SRP72: variants seen among roughly 807,000 people sequenced by gnomAD.
The protein encoded by SRP72 is signal recognition particle subunit SRP72.
A neutral mutation model predicts 96.3 loss-of-function variants in SRP72; 49 were observed. The ratio of observed to expected loss-of-function variants is 0.51; its 90% CI spans 0.40 to 0.65. The LOEUF is 0.65. Ranked by LOEUF, SRP72 falls within the 30% of genes least tolerant of loss-of-function variation. The probability of loss-of-function intolerance (pLI) is 0.00; values close to 1 mark genes in which losing one functional copy is unlikely to be tolerated. For missense variants in SRP72, 736 were observed against 793.3 expected, an observed-to-expected ratio of 0.93 and a Z score of 0.87; for synonymous variants, 267 against 275.2, an observed-to-expected ratio of 0.97 and a Z score of 0.30.
At chr4:56,472,105 G>C (rs983815966) in intron 3 of SRP72, among the ~76,000 whole-genome samples, 3 of 152,122 alleles carry the variant, frequency 2.0e-5, no homozygotes, top group Non-Finnish European at 4.4e-5. Flanking sequence ...TTTGACTTTT[G>C]AGTTAGAAAG....
At chr4:56,473,746 CAA>C (rs1220513432) in intron 3 of SRP72, among the ~76,000 whole-genome samples, 1 of 150,578 alleles carries the variant, frequency 6.6e-6, no homozygotes, top group Non-Finnish European at 1.5e-5. Context: ...GTCTAGGCAA[CAA>C]GAGCGAAACT....
chr4:56,482,463 A>G (rs894711141), intron 8 of SRP72, among the ~76,000 whole-genome samples: 12 of 151,630 alleles, frequency 7.9e-5, no homozygotes, highest in Non-Finnish European at 1.6e-4. Context: ...AAAAAAAGGT[A>G]TGTACTTGTT....
Position 56,469,663 on chromosome 4 carries a change from C to T in SRP72, c.120C>T (p.Ile40=). 6.2e-7 allele frequency: 1 copy of T among 1,603,632 alleles called. No homozygotes were observed. Among genetic ancestry groups the T allele is most frequent in the South Asian group, 1.1e-5 (1 of 90,004 alleles). The change falls in exon 2 of 19, where the codon ATC becomes ATT. Residue 40 remains isoleucine (I), a synonymous_variant. Transcript: ENST00000642900. The part of the protein sequence containing the change: ...ALKTVNKILQ[I]NKDDVTALHC... ...AAAATTGTTCTCTAGTACTACAGATCAACAAAGATGACGTAACTGCCCTGC... is the reference window on the plus strand; with the variant it reads ...AAAATTGTTCTCTAGTACTACAGATTAACAAAGATGACGTAACTGCCCTGC...
intron 16 of SRP72, among the ~76,000 whole-genome samples, chr4:56,493,949 G>T (rs781680610): frequency 1.3e-5 from 2 of 152,150 alleles, no homozygotes; most frequent in Non-Finnish European, 2.9e-5. Flanking sequence ...GATTGTACAG[G>T]GCATAGAGGA....
rs780480878 is a variant in SRP72, at chr4:56,471,732, C to T, written c.243C>T (p.Ser81=). The T allele has an allele frequency of 6.2e-7, 1 of 1,612,512 alleles. No individual in the cohort carries two copies. Among genetic ancestry groups the T allele is most frequent in the Non-Finnish European group, 8.5e-7 (1 of 1,179,422 alleles). The stretch of plus-strand genomic sequence containing the variant: ...TTTCCTTCTTCAGTAACTCTCTCTC[C>T]TTTGAAAAGGCATATTGCGAGTACA... The part of the protein sequence containing the change: ...HTKVLANNSL[S]FEKAYCEYRL... The change falls in exon 3 of 19, where the codon TCC becomes TCT. Residue 81 remains serine (S), a synonymous_variant. Transcript: ENST00000642900.
At position 56,474,131 on chromosome 4, in the gene SRP72, T is replaced by G; in HGVS notation, c.432T>G (p.Asp144Glu). Residue 144 changes from aspartate (D) to glutamate (E), a missense_variant, in exon 4 of 19, where the codon GAT becomes GAG. By Grantham distance (45) the Asp-to-Glu change is conservative. Transcript: ENST00000642900. ...TCCGAAACTCCCAAGATGATTATGA[T>G]GAGGAGAGGAAAACAAACCTTTCAG... Reference protein sequence around the residue: ...DLVRNSQDDYDEERKTNLSAV... With the variant: ...DLVRNSQDDYEEERKTNLSAV... The G allele has an allele frequency of 6.2e-7, 1 of 1,614,182 alleles. No homozygotes were observed.
intron 1 of SRP72, among the ~76,000 whole-genome samples, chr4:56,468,168 G>C (rs1363953036): frequency 4.6e-5 from 7 of 152,176 alleles, no homozygotes. Context: ...CTCTTTGGCC[G>C]CTAAAGGGGG....
At chr4:56,485,332 A>T (rs1252869543) in intron 10 of SRP72, among the ~76,000 whole-genome samples, 1 of 150,550 alleles carries the variant, frequency 6.6e-6, no homozygotes, top group Non-Finnish European at 1.5e-5. Context: ...AATTAGGATC[A>T]TCCTGACAGA....
At chr4:56,481,740 A>C (rs1191015505) in intron 8 of SRP72, among the ~76,000 whole-genome samples, 1 of 146,656 alleles carries the variant, frequency 6.8e-6, no homozygotes, top group African/African-American at 2.5e-5. Flanking sequence ...GTTTGTGGCA[A>C]CTCTGTGTTG....
intron 5 of SRP72, among the ~76,000 whole-genome samples, chr4:56,475,040 C>A: frequency 1.3e-5 from 2 of 152,034 alleles, no homozygotes; most frequent in East Asian, 1.9e-4. Flanking sequence ...CAGGTATTAA[C>A]GTGAACATTT....
At chr4:56,475,401 A>T (rs200752598) in intron 5 of SRP72, among the ~76,000 whole-genome samples, 4 of 93,230 alleles carry the variant, frequency 4.3e-5, no homozygotes, top group African/African-American at 4.5e-5. Context: ...TTACAAAAAA[A>T]AAATATATAT....
chr4:56,487,914 T>C (rs1720776306), intron 11 of SRP72, 35 bp from the exon 12 acceptor site: 1 of 1,501,980 alleles, frequency 6.7e-7, no homozygotes, highest in Admixed American at 2.1e-5. Flanking sequence ...ATATGTGTTC[T>C]TCTATGTAAT....
rs1428674030 is a variant in SRP72, at chr4:56,495,385, A to G, written c.1669A>G (p.Lys557Glu). The G allele has an allele frequency of 6.7e-7, 1 of 1,496,836 alleles. No individual in the cohort carries two copies. Among genetic ancestry groups the G allele is most frequent in the Non-Finnish European group, 9.2e-7 (1 of 1,084,162 alleles). 92.7% of individuals were successfully genotyped at this position (1,496,836 alleles called of 1,614,324 possible). A position where few individuals can be genotyped will look rare whatever the true frequency, so the allele number is the denominator to read the frequency against. The part of the protein sequence containing the change: ...GQGDLKKKKK[K>E]KKGKLPKNYD... ...GGGAGATTTGAAAAAGAAGAAAAAG[A>G]AAAAGAAGGGTAAGGCATTAAAAAA... The change falls in exon 17 of 19, where the codon AAA becomes GAA. Residue 557 changes from lysine to glutamate, a missense_variant. Physicochemically the swap from Lys to Glu is moderately conservative, Grantham distance 56. Around this residue, in one of 3 missense-constraint regions of SRP72, gnomAD observed 388 missense variants for 431.8 expected, o/e 0.90. Coordinates refer to ENST00000642900, the MANE Select transcript of SRP72 (RefSeq NM_006947.4).
chr4:56,476,460 A>C (rs933959355), intron 5 of SRP72: 36 of 556,446 alleles, frequency 6.5e-5, no homozygotes, highest in Non-Finnish European at 1.0e-4. Flanking sequence ...CAGACACAAC[A>C]AATGAAAGCA....
At chr4:56,491,409 C>G in intron 15 of SRP72, 22 bp from the exon 16 acceptor site, 1 of 1,609,554 alleles carries the variant, frequency 6.2e-7, no homozygotes, top group Non-Finnish European at 8.5e-7. Context: ...TATTATGTTC[C>G]TGAACTCCTG....
At chr4:56,474,693 G>A (rs931130998) in intron 5 of SRP72, among the ~76,000 whole-genome samples, 5 of 152,054 alleles carry the variant, frequency 3.3e-5, no homozygotes, top group East Asian at 1.9e-4. Flanking sequence ...ATAGGTGCGC[G>A]TCACCACACC....
intron 17 of SRP72, 92 bp from the exon 18 acceptor site, chr4:56,500,444 G>T: frequency 1.6e-6 from 2 of 1,253,042 alleles, no homozygotes; most frequent in Non-Finnish European, 1.1e-6. Flanking sequence ...CCATTTTAAT[G>T]TTATTTATTC....
rs572177761 is a variant in SRP72 at position 56,478,229 on chromosome 4, T to G, written c.643-150T>G. The G allele has an allele frequency of 1.2e-4, 68 of 556,366 alleles. 1 individual carries two copies. The African/African-American group carries it at 1.3e-3, about 10-fold the overall frequency. 34.5% of individuals were successfully genotyped at this position (556,366 alleles called of 1,614,324 possible). On this transcript the variant is annotated intron_variant, in intron 6 of 18. Transcript: ENST00000642900. Reference sequence around the variant, plus strand: ...GCTGTTTTCACTTAAACTTCTCTCTTGCTGGCTGTTTCTAAAGAACTGACT... The same window carrying G: ...GCTGTTTTCACTTAAACTTCTCTCTGGCTGGCTGTTTCTAAAGAACTGACT...
chr4:56,474,225 A>G (rs1453266915), intron 4 of SRP72, 28 bp downstream of exon 4: 2 of 1,613,564 alleles, frequency 1.2e-6, no homozygotes, highest in East Asian at 2.2e-5. Flanking sequence ...GTACCCATAC[A>G]GTCATGAATT....
Sources: allele counts gnomAD v4.1 joint callset (sites outside exome capture counted in the v4.1 genomes callset), GRCh38; gene constraint gnomAD v4.1.1; regional missense constraint gnomAD v4.1.1; transcripts MANE v1.5; gene names NCBI Gene and HGNC (gene_info 2026-07-23, HGNC 2026-07-21).